Variants in RLF observed in about 807,000 individuals in gnomAD.
RLF encodes the protein zinc finger protein Rlf.
RLF carries 7 observed loss-of-function variants against 162.9 expected under a neutral mutation model. That is an observed-to-expected ratio of 0.04 (90% CI 0.02 to 0.08). The LOEUF (loss-of-function observed/expected upper bound fraction) is 0.08, where lower values mean the gene tolerates loss of function less well. RLF is among the 10% of genes least tolerant of loss of function. RLF has a pLI of 1.00. For synonymous variants in RLF, 782 were observed against 791.5 expected (o/e 0.99, Z 0.20); for missense variants, 1,664 against 2,244.7 (o/e 0.74, Z 5.23).
At chr1:40,197,533 CCT>C (rs758520583) in intron 4 of RLF, among the ~76,000 whole-genome samples, 26 of 152,068 alleles carry the variant, frequency 1.7e-4, no homozygotes, top group Admixed American at 1.3e-4. Flanking sequence ...TGTATTTTCC[CCT>C]GATATACTAA....
intron 4 of RLF, 67 bp downstream of exon 4, chr1:40,195,831 AATT>A: frequency 6.8e-7 from 1 of 1,468,744 alleles, no homozygotes; most frequent in Non-Finnish European, 9.2e-7. Context: ...TATGGGTTAA[AATT>A]TTGGGAATTT....
chr1:40,194,062 C>T (rs1460832113), intron 3 of RLF, among the ~76,000 whole-genome samples: 1 of 152,112 alleles, frequency 6.6e-6, no homozygotes, highest in Non-Finnish European at 1.5e-5. Flanking sequence ...TATACGTAAT[C>T]ATTTATACTG....
At chr1:40,215,113 G>C (rs771108219) in intron 5 of RLF, among the ~76,000 whole-genome samples, 3 of 151,998 alleles carry the variant, frequency 2.0e-5, no homozygotes, top group African/African-American at 7.3e-5. Flanking sequence ...CAGCAAACTT[G>C]TCCAGTCTGA....
chr1:40,240,280 C>T lies in RLF; in HGVS notation c.5578C>T (p.Leu1860=), dbSNP rs752569696. The change falls in exon 8 of 8, where the codon CTG becomes TTG. Residue 1860 remains leucine, a synonymous_variant. Coordinates refer to ENST00000372771, the MANE Select transcript of RLF (RefSeq NM_012421.4). ...ETTTVPSLEN[L]RVVLDKALTD... ...AACAACAGTTCCTTCCTTGGAAAAC[C>T]TGAGGGTTGTATTGGACAAAGCATT... The T allele has an allele frequency of 6.2e-7, 1 of 1,614,042 alleles. No homozygotes were observed. The highest frequency in any genetic ancestry group is 8.5e-7 in the Non-Finnish European group (1 of 1,180,042).
At chr1:40,193,160 T>A (rs1174983838) in intron 3 of RLF, among the ~76,000 whole-genome samples, 3 of 150,798 alleles carry the variant, frequency 2.0e-5, no homozygotes, top group Non-Finnish European at 4.4e-5. Context: ...CATCTTGTGC[T>A]ATTATTTCTG....
In RLF at chr1:40,239,437, G is replaced by A; in HGVS notation, c.4735G>A (p.Ala1579Thr). The A allele has an allele frequency of 6.2e-7, 1 of 1,613,986 alleles. No homozygotes were observed. Among genetic ancestry groups the A allele is most frequent in the Non-Finnish European group, 8.5e-7 (1 of 1,180,036 alleles). The change falls in exon 8 of 8, where the codon GCC becomes ACC. Residue 1579 changes from alanine (A) to threonine (T), a missense_variant. By Grantham distance (58) the Ala-to-Thr change is moderately conservative (BLOSUM62 0). This residue lies in a region of RLF where 327 missense variants were observed against 342.7 expected (regional missense o/e 0.95). Transcript: ENST00000372771. Reference sequence around the variant, plus strand: ...CAAACGCACTCATCAGATGAGTAGTGCCTATTTAGAGCAACAGATGGAGAA... The same window carrying A: ...CAAACGCACTCATCAGATGAGTAGTACCTATTTAGAGCAACAGATGGAGAA... ...HYKRTHQMSS[A>T]YLEQQMENLV...
At chr1:40,230,512 A>G (rs1643139537) in intron 6 of RLF, among the ~76,000 whole-genome samples, 1 of 151,858 alleles carries the variant, frequency 6.6e-6, no homozygotes, top group Admixed American at 6.6e-5. Context: ...GCTCACTGCA[A>G]CCTCCACCTC....
chr1:40,199,849 G>A (rs1347623487), intron 4 of RLF, among the ~76,000 whole-genome samples: 1 of 152,106 alleles, frequency 6.6e-6, no homozygotes, highest in Admixed American at 6.6e-5. Context: ...GAGATAATTA[G>A]AAAAGAATTA....
intron 4 of RLF, among the ~76,000 whole-genome samples, chr1:40,197,557 ACC>A (rs541602646): frequency 6.6e-6 from 1 of 152,178 alleles, no homozygotes; most frequent in South Asian, 2.1e-4. Context: ...CAACTATGTC[ACC>A]CCACCTCTGG....
At position 40,177,292 on chromosome 1, in the gene RLF, C is replaced by CT. The variant is rs552640229; in HGVS notation, c.238-11750dup. 9.1e-3 allele frequency among the ~76,000 whole-genome samples: 1,313 copies of CT among 144,056 alleles called. 14 individuals are homozygous for CT. The highest frequency in any genetic ancestry group is 0.027 in the African/African-American group (1,071 of 39,000). 94.5% of individuals were successfully genotyped at this position (144,056 alleles called of 152,430 possible). A position where few individuals can be genotyped will look rare whatever the true frequency, so the allele number is the denominator to read the frequency against. On this transcript the variant is annotated intron_variant, in intron 1 of 7. Transcript: ENST00000372771. ...GCCTTAACAGTGTATTTCTTTCTTT[C>CT]TTTTTTTTTTTTTGGGAGGCGGAGT...
chr1:40,209,831 C>T (rs886457499), intron 5 of RLF, among the ~76,000 whole-genome samples: 4 of 150,400 alleles, frequency 2.7e-5, no homozygotes, highest in African/African-American at 4.9e-5. Flanking sequence ...AAGCCAGGAT[C>T]GTGCCATTTG....
At chr1:40,163,476 T>C (rs1236364402) in intron 1 of RLF, among the ~76,000 whole-genome samples, 1 of 152,230 alleles carries the variant, frequency 6.6e-6, no homozygotes, top group African/African-American at 2.4e-5. Context: ...TTATGTCTAG[T>C]GCTTGCAACT....
rs1380839576 is a variant in RLF, at chr1:40,240,687, T to C, written c.*240T>C. On this transcript the variant is annotated 3_prime_UTR_variant, in exon 8 of 8. Coordinates refer to ENST00000372771, the MANE Select transcript of RLF (RefSeq NM_012421.4). ...TATTAAAAAAATGGAACTGTACACT[T>C]GTTTGGTGCTAATTAATACATCAAA... 2.2e-6 allele frequency: 1 copy of C among 450,246 alleles called. No homozygotes were observed. Among genetic ancestry groups the C allele is most frequent in the East Asian group, 3.9e-5 (1 of 25,384 alleles). The allele number at this position is 450,246 out of a possible 1,614,324, so 27.9% of individuals were successfully genotyped here.
intron 1 of RLF, 24 bp from the exon 2 acceptor site, chr1:40,189,031 A>G: frequency 1.4e-6 from 2 of 1,446,552 alleles, no homozygotes; most frequent in South Asian, 1.3e-5. Flanking sequence ...TTATTTGTAA[A>G]TAATTTTTAA....
At chr1:40,213,064 A>T (rs576010417) in intron 5 of RLF, among the ~76,000 whole-genome samples, 1 of 152,326 alleles carries the variant, frequency 6.6e-6, no homozygotes, top group African/African-American at 2.4e-5. Flanking sequence ...TGAAAGTCTT[A>T]ATACTTCTAC....
At chr1:40,222,470 T>C in intron 5 of RLF, 104 bp from the exon 6 acceptor site, 2 of 1,004,956 alleles carry the variant, frequency 2.0e-6, no homozygotes, top group Non-Finnish European at 2.9e-6. Context: ...CAGGAGAAAA[T>C]TATGTCTCTA....
At chr1:40,221,899 C>CAAAAAGAAAA (rs1643002157) in intron 5 of RLF, among the ~76,000 whole-genome samples, 1 of 65,046 alleles carries the variant, frequency 1.5e-5, no homozygotes, top group South Asian at 7.0e-4. Context: ...GACTCCGTCT[C>CAAAAAGAAAA]AAAAAAAAAA....
Position 40,238,773 on chromosome 1 carries a change from A to C in RLF, c.4071A>C (p.Lys1357Asn). 6.2e-7 allele frequency: 1 copy of C among 1,612,988 alleles called. No homozygotes were observed. Among genetic ancestry groups the C allele is most frequent in the Non-Finnish European group, 8.5e-7 (1 of 1,179,654 alleles). Residue 1357 changes from lysine (K) to asparagine (N), a missense_variant, in exon 8 of 8, where the codon AAA becomes AAC. Transcript: ENST00000372771. This position sits in a 1 kb window ranked among gnomAD's most constrained non-coding sequence, Gnocchi z 5.2. ...CAAGAACCAAAAGGGAACTTGTCAA[A>C]TGTAAAAAGATATTTGCTTGCAAAT... ...DKARTKRELV[K>N]CKKIFACKYK...
chr1:40,225,878 C>CAAAAAAA (rs71577617), intron 6 of RLF, among the ~76,000 whole-genome samples: 6 of 14,804 alleles, frequency 4.1e-4, no homozygotes, highest in Admixed American at 9.7e-4. Flanking sequence ...GACTCCGTCG[C>CAAAAAAA]AAAAAAAAAA....
Sources: gnomAD v4.1 joint callset for allele counts (sites outside exome capture counted in the v4.1 genomes callset) on GRCh38, gnomAD v4.1.1 for gene constraint, gnomAD v4.1.1 regional missense constraint, Gnocchi (gnomAD v3.1) non-coding constraint, MANE v1.5 for transcripts, NCBI Gene and HGNC (gene_info 2026-07-23, HGNC 2026-07-21) for gene names.